Variants in MYH14 observed in about 807,000 individuals in gnomAD.
The protein encoded by MYH14 is myosin-14.
A neutral mutation model predicts 255.5 loss-of-function variants in MYH14; 123 were observed. That is an observed-to-expected ratio of 0.48 (90% CI 0.42 to 0.56). The LOEUF is 0.56. MYH14 is among the 20% of genes least tolerant of loss of function. The probability of loss-of-function intolerance (pLI) is 0.00; values close to 1 mark genes in which losing one functional copy is unlikely to be tolerated. For synonymous variants in MYH14, 1,095 were observed against 1,161.2 expected (o/e 0.94, Z 1.16); for missense variants, 2,423 against 2,802.3 (o/e 0.86, Z 3.06).
At chr19:50,292,435 G>A (rs1438354112) in intron 37 of MYH14, 46 bp downstream of exon 37, 1 of 1,515,576 alleles carries the variant, frequency 6.6e-7, no homozygotes, top group African/African-American at 1.4e-5. Context: ...GCTGGGAGGT[G>A]GGCAAGGCTA....
intron 11 of MYH14, 137 bp from the exon 12 acceptor site, chr19:50,246,867 C>A: frequency 3.2e-6 from 2 of 618,960 alleles, no homozygotes; most frequent in Non-Finnish European, 5.7e-6. Context: ...ACTTTTGGGA[C>A]TCGTAATGCC....
chr19:50,278,881 G>A (rs1204961949), intron 30 of MYH14, among the ~76,000 whole-genome samples: 3 of 150,466 alleles, frequency 2.0e-5, no homozygotes, highest in African/African-American at 5.0e-5. Context: ...CCAGCTACTC[G>A]AGAGGCTGAG....
chr19:50,272,586 C>A lies in MYH14; in HGVS notation c.3322C>A (p.Arg1108Ser). 6.3e-7 allele frequency: 1 copy of A among 1,578,800 alleles called. No individual in the cohort carries two copies. The highest frequency in any genetic ancestry group is 1.3e-5 in the African/African-American group (1 of 74,512). ...CCGCCTACGGAAGGAGGAGAAGGGT[C>A]GCCAGGAGCTGGAGAAGCTGAAGCG... ...EDRLRKEEKG[R>S]QELEKLKRRL... The change falls in exon 27 of 43, where the codon CGC becomes AGC. Residue 1108 changes from arginine (R) to serine (S), a missense_variant. Physicochemically the swap from Arg to Ser is moderately radical, Grantham distance 110. This residue lies in a region of MYH14 where 1,513 missense variants were observed against 1,674.8 expected (regional missense o/e 0.90). Coordinates refer to ENST00000642316, the MANE Select transcript of MYH14 (RefSeq NM_001145809.2).
At chr19:50,291,517 T>C in intron 36 of MYH14, among the ~76,000 whole-genome samples, 1 of 152,196 alleles carries the variant, frequency 6.6e-6, no homozygotes, top group Non-Finnish European at 1.5e-5. Flanking sequence ...CTCGATCTCT[T>C]GGCCTCAAGT....
At chr19:50,218,627 A>T (rs1305877616) in intron 3 of MYH14, among the ~76,000 whole-genome samples, 1 of 151,976 alleles carries the variant, frequency 6.6e-6, no homozygotes, top group Admixed American at 6.6e-5. Context: ...TTTTTATTTC[A>T]ATAGTTTTTG....
chr19:50,225,479 C>A, intron 6 of MYH14, 106 bp from the exon 7 acceptor site: 1 of 817,662 alleles, frequency 1.2e-6, no homozygotes, highest in South Asian at 1.6e-5. Context: ...ACAAAGGCCC[C>A]TCACACACAG....
intron 23 of MYH14, among the ~76,000 whole-genome samples, chr19:50,267,623 A>AAATAATAATAAATAATAAT (rs2035137305): frequency 6.7e-6 from 1 of 149,146 alleles, no homozygotes; most frequent in African/African-American, 2.5e-5. Flanking sequence ...TCTGTCTCAA[A>AAATAATAATAAATAATAAT]AATAATAATA....
At position 50,286,559 on chromosome 19, in the gene MYH14, T is replaced by C. The variant is rs375866139; in HGVS notation, c.4617T>C (p.Arg1539=). 1.2e-6 allele frequency: 2 copies of C among 1,611,776 alleles called. No homozygotes were observed. The highest frequency in any genetic ancestry group is 4.5e-5 in the East Asian group (2 of 44,816). ...GGGCCGAGGCAGAGGGCCGGGAGCGTGAGGCTCGGGCCCTGTCACTGACAC... is the reference window on the plus strand; with the variant it reads ...GGGCCGAGGCAGAGGGCCGGGAGCGCGAGGCTCGGGCCCTGTCACTGACAC... ...RERAEAEGRE[R]EARALSLTRA... is the part of the protein sequence containing the mutation. The change falls in exon 34 of 43, where the codon CGT becomes CGC. Residue 1539 remains arginine, a synonymous_variant. Coordinates refer to ENST00000642316, the MANE Select transcript of MYH14 (RefSeq NM_001145809.2).
intron 1 of MYH14, among the ~76,000 whole-genome samples, chr19:50,207,052 GAAAAAAAAA>G (rs11334892): frequency 2.6e-5 from 1 of 38,624 alleles, no homozygotes; most frequent in Admixed American, 4.9e-4. Flanking sequence ...GTTTCTACCA[GAAAAAAAAA>G]AAAAAAAAAA....
At chr19:50,249,895 G>A in intron 14 of MYH14, 72 bp downstream of exon 14, 2 of 1,571,202 alleles carry the variant, frequency 1.3e-6, no homozygotes, top group Non-Finnish European at 1.7e-6. Flanking sequence ...CGAGACCAGG[G>A]TCTAGCTCCT....
intron 11 of MYH14, 69 bp from the exon 12 acceptor site, chr19:50,246,935 C>G: frequency 1.8e-6 from 2 of 1,127,826 alleles, no homozygotes; most frequent in South Asian, 2.7e-5. Flanking sequence ...GAAACGGTAC[C>G]CTCTCCCTTG....
chr19:50,235,139 A>AGGTGGGAGAAT, intron 10 of MYH14, among the ~76,000 whole-genome samples: 1 of 152,056 alleles, frequency 6.6e-6, no homozygotes, highest in South Asian at 2.1e-4. Flanking sequence ...TGGGAGGCCG[A>AGGTGGGAGAAT]CTGAGGTCAG....
Position 50,281,749 on chromosome 19 carries a change from G to T in MYH14, c.4446G>T (p.Arg1482=). 1 of 1,612,218 alleles carries T rather than the reference G, an allele frequency of 6.2e-7. No individual in the cohort carries two copies. Among genetic ancestry groups the T allele is most frequent in the Non-Finnish European group, 8.5e-7 (1 of 1,179,646 alleles). Residue 1482 remains arginine (R), a synonymous_variant, in exon 33 of 43, where the codon CGG becomes CGT. Transcript: ENST00000642316. ...TVDRLERGRR[R]LQQELDDATM... ...ATCGGCTGGAGCGGGGCCGCCGCCG[G>T]CTGCAGCAGGAGCTGGACGACGCCA...
In MYH14 at chr19:50,271,957, A is replaced by G. The variant is rs969722520; in HGVS notation, c.3280A>G (p.Ile1094Val). The G allele has an allele frequency of 5.6e-6, 9 of 1,610,036 alleles. No individual in the cohort carries two copies. Among genetic ancestry groups the G allele is most frequent in the South Asian group, 1.1e-5 (1 of 89,974 alleles). ...NKLRLKYEAT[I>V]ADMEDRLRKE... The stretch of plus-strand genomic sequence containing the variant: ...GCTACGGCTCAAATATGAGGCCACA[A>G]TCGCAGACATGGAGGGTGAGCTCCC... The change falls in exon 26 of 43, where the codon ATC becomes GTC. Residue 1094 changes from isoleucine (I) to valine (V), a missense_variant. Transcript: ENST00000642316.
intron 41 of MYH14, chr19:50,308,793 T>C (rs1316002404): frequency 5.2e-6 from 3 of 575,784 alleles, no homozygotes; most frequent in Non-Finnish European, 9.2e-6. Context: ...TCTGAGGCCA[T>C]GTAGGAGACA....
At chr19:50,291,876 T>C (rs1457905863) in intron 36 of MYH14, among the ~76,000 whole-genome samples, 1 of 151,822 alleles carries the variant, frequency 6.6e-6, no homozygotes, top group Non-Finnish European at 1.5e-5. Context: ...AAAGTAAAGA[T>C]AGAAATAAAA....
Position 50,230,851 on chromosome 19 carries a change from G to A in MYH14, c.973+228G>A, listed in dbSNP as rs1377728023. ...TCTGTCCCGGGTCTGGCTCGCGCCC[G>A]CTGTCACGGCCACGCAGCCCCCGCC... On this transcript the variant is annotated intron_variant, in intron 9 of 42. Transcript: ENST00000642316. This position sits in a 1 kb window ranked among gnomAD's most constrained non-coding sequence, Gnocchi z 4.7. 8 of 519,726 alleles carry A rather than the reference G, an allele frequency of 1.5e-5. No individual in the cohort carries two copies. Among genetic ancestry groups the A allele is most frequent in the Non-Finnish European group, 2.8e-5 (8 of 289,782 alleles). 32.2% of individuals were successfully genotyped at this position (519,726 alleles called of 1,614,324 possible).
chr19:50,259,648 G>A (rs566587249), intron 19 of MYH14, among the ~76,000 whole-genome samples: 5 of 152,196 alleles, frequency 3.3e-5, no homozygotes, highest in Non-Finnish European at 7.3e-5. Flanking sequence ...GGAGGCCGAG[G>A]CAGACAGATC....
rs2036755248 is a variant in MYH14 at position 50,309,126 on chromosome 19, A to G, written c.5909A>G (p.Glu1970Gly). 1 of 1,613,768 alleles carries G rather than the reference A, an allele frequency of 6.2e-7. No homozygotes were observed. The highest frequency in any genetic ancestry group is 1.7e-5 in the Admixed American group (1 of 59,990). The change falls in exon 42 of 43, where the codon GAG becomes GGG. Residue 1970 changes from glutamate to glycine, a missense_variant. Transcript: ENST00000642316. The part of the protein sequence containing the change: ...RLQRELEDVT[E>G]SAESMNREVT... ...CAGCGTGAGCTGGAAGATGTCACAG[A>G]GTCGGCCGAGTCCATGAACCGTGAA... is the stretch of plus-strand genomic sequence containing the variant.
Sources: allele counts gnomAD v4.1 joint callset (sites outside exome capture counted in the v4.1 genomes callset), GRCh38; gene constraint gnomAD v4.1.1; regional missense constraint gnomAD v4.1.1; non-coding constraint Gnocchi (gnomAD v3.1); transcripts MANE v1.5; gene names NCBI Gene and HGNC (gene_info 2026-07-23, HGNC 2026-07-21).